Variants in THBS3 observed in about 807,000 individuals in gnomAD.
THBS3 encodes the protein thrombospondin 3.
A neutral mutation model predicts 118.3 loss-of-function variants in THBS3; 78 were observed. That is an observed-to-expected ratio of 0.66 (90% confidence interval 0.55 to 0.80). The LOEUF (loss-of-function observed/expected upper bound fraction) is 0.80. Among genes scored for constraint, THBS3 ranks in the 30% least tolerant of loss-of-function variants. The pLI, the probability that THBS3 is intolerant of heterozygous loss-of-function variation, is 0.00. For missense variants in THBS3, 1,057 were observed against 1,247.4 expected (o/e 0.85, Z 2.30); for synonymous variants, 427 against 475.3 (o/e 0.90, Z 1.32).
At chr1:155,203,923 C>T (rs1216731312) in intron 4 of THBS3, among the ~76,000 whole-genome samples, 1 of 151,964 alleles carries the variant, frequency 6.6e-6, no homozygotes, top group East Asian at 1.9e-4. Context: ...CCACAACCTC[C>T]ACCTCCTGGG....
intron 14 of THBS3, 27 bp from the exon 15 acceptor site, chr1:155,200,140 G>T (rs372213580): frequency 1.1e-5 from 17 of 1,510,152 alleles, no homozygotes; most frequent in Non-Finnish European, 1.2e-5. Context: ...GCACAAGGTT[G>T]TTACTAGAAC....
chr1:155,200,655 C>T, intron 13 of THBS3, 45 bp from the exon 14 acceptor site: 1 of 1,604,358 alleles, frequency 6.2e-7, no homozygotes, highest in Non-Finnish European at 8.5e-7. Context: ...TCCCCTAAAT[C>T]ACTTGTCATC....
chr1:155,201,998 T>G lies in THBS3; in HGVS notation c.1135A>C (p.Asn379His), dbSNP rs1177572339. ...ATGGAGTTTGGGTCACAGCCACCAT[T>G]GTTGCCATCGTTGCATTCATCGATG... The part of the protein sequence containing the change: ...NDIDECNDGN[N>H]GGCDPNSICT... Residue 379 changes from asparagine to histidine, a missense_variant, in exon 10 of 23, where the codon AAT (asparagine) becomes CAT (histidine). Around this residue, in one of 3 missense-constraint regions of THBS3, gnomAD observed 544 missense variants for 715.6 expected, o/e 0.76. Coordinates refer to ENST00000368378, the MANE Select transcript of THBS3 (RefSeq NM_007112.5). 4 of 1,614,014 alleles carry G rather than the reference T, an allele frequency of 2.5e-6. No individual in the cohort carries two copies. Among genetic ancestry groups the G allele is most frequent in the Non-Finnish European group, 3.4e-6 (4 of 1,180,030 alleles).
intron 17 of THBS3, 71 bp downstream of exon 17, chr1:155,198,338 C>G: frequency 6.3e-7 from 1 of 1,589,014 alleles, no homozygotes; most frequent in South Asian, 1.2e-5. Context: ...CCTCACTTCC[C>G]AACAGGGCTT....
At position 155,196,476 on chromosome 1, in the gene THBS3, C is replaced by T. The variant is rs540858574; in HGVS notation, c.2673-350G>A. The T allele has an allele frequency of 3.0e-5, 9 of 304,026 alleles. No individual in the cohort carries two copies. In the East Asian group the frequency reaches 6.0e-4, roughly 20 times the overall value. 18.8% of individuals were successfully genotyped at this position (304,026 alleles called of 1,614,324 possible). ...ATCCCCTGTCCTGGCACCCCACAGC[C>T]CCAGGCACCTTAAAGGGGAACCAAC... On this transcript the variant is annotated intron_variant, in intron 21 of 22. Transcript: ENST00000368378.
Position 155,196,053 on chromosome 1 carries a change from G to A in THBS3, c.2746C>T (p.Arg916Cys), listed in dbSNP as rs1181127268. The A allele has an allele frequency of 6.2e-6, 10 of 1,613,992 alleles. No individual in the cohort carries two copies. The highest frequency in any genetic ancestry group is 2.2e-5 in the East Asian group (1 of 44,906). Residue 916 changes from arginine to cysteine, a missense_variant, in exon 22 of 23, where the codon CGT becomes TGT. Transcript: ENST00000368378. ...VIIDTSMRGG[R>C]LGVFCFSQEN... ...TGGGAGAAGCAGAATACACCAAGAC[G>A]CCCCCCTCGCATGGATGTGTCAATG...
upstream of THBS3, chr1:155,207,976 AG>A (rs1225460818): frequency 1.4e-5 from 8 of 565,892 alleles, no homozygotes; most frequent in Admixed American, 3.1e-5. Flanking sequence ...ACAGAATTGG[AG>A]GGGGGGCCAG....
chr1:155,195,725 C>T lies in THBS3; in HGVS notation c.*116G>A. ...TCTGGGACTGAACTCCTTTTGGGAG[C>T]CAGAGAAGGGTCTGTGGTTGGCTGA... On this transcript the variant is annotated 3_prime_UTR_variant, in exon 23 of 23. Transcript: ENST00000368378. 1 of 1,154,310 alleles carries T rather than the reference C, an allele frequency of 8.7e-7. No homozygotes were observed. The highest frequency in any genetic ancestry group is 1.2e-6 in the Non-Finnish European group (1 of 802,820). The allele number at this position is 1,154,310 out of a possible 1,614,324, so 71.5% of individuals were successfully genotyped here. A position where few individuals can be genotyped will look rare whatever the true frequency, so the allele number is the denominator to read the frequency against.
intron 11 of THBS3, 105 bp from the exon 12 acceptor site, chr1:155,201,309 C>T (rs1669680027): frequency 6.3e-7 from 1 of 1,578,892 alleles, no homozygotes; most frequent in Non-Finnish European, 8.6e-7. Context: ...AGTTCCTGGG[C>T]CCAGGCCCAC....
chr1:155,197,158 G>A lies in THBS3; in HGVS notation c.2555C>T (p.Thr852Ile). 9 of 1,614,206 alleles carry A rather than the reference G, an allele frequency of 5.6e-6. No homozygotes were observed. Among genetic ancestry groups the A allele is most frequent in the Non-Finnish European group, 7.6e-6 (9 of 1,180,028 alleles). Residue 852 changes from threonine (T) to isoleucine (I), a missense_variant, in exon 21 of 23, where the codon ACT (threonine) becomes ATT (isoleucine). By Grantham distance (89) the Thr-to-Ile change is moderately conservative (BLOSUM62 -1). Transcript: ENST00000368378. The surrounding 1 kb of genome is among the most constrained non-coding windows in gnomAD (Gnocchi z 5.0). Reference protein sequence around the residue: ...GEHLRNALWHTGHTPDQVRLL... With the variant: ...GEHLRNALWHIGHTPDQVRLL... ...TCGTACCTGATCAGGGGTGTGGCCA[G>A]TATGCCACAGGGCATTTCGGAGGTG...
chr1:155,205,399 C>T (rs1359829521), intron 2 of THBS3, 83 bp from the exon 3 acceptor site: 4 of 1,546,418 alleles, frequency 2.6e-6, no homozygotes, highest in African/African-American at 1.4e-5. Flanking sequence ...CTGCTAGATA[C>T]CACATCTCTA....
rs1668796137 is a variant in THBS3 at position 155,197,057 on chromosome 1, G to A, written c.2656C>T (p.Gln886Ter). 2 of 1,613,752 alleles carry A rather than the reference G, an allele frequency of 1.2e-6. No individual in the cohort carries two copies. The highest frequency in any genetic ancestry group is 2.7e-5 in the African/African-American group (2 of 74,938). ...SYRWQLLHRP[Q>*]VGYIRVKLYE... ...TCTCCTTACCGAATGTAGCCAACTT[G>A]AGGCCGGTGCAGAAGCTGCCAGCGA... Residue 886 changes from glutamine (Q) to a stop codon, truncating the protein, a stop_gained, in exon 21 of 23, where the codon CAA (glutamine) becomes TAA (stop). Coordinates refer to ENST00000368378, the MANE Select transcript of THBS3 (RefSeq NM_007112.5). LOFTEE classifies it high-confidence loss of function. The surrounding 1 kb of genome is among the most constrained non-coding windows in gnomAD (Gnocchi z 5.0).
At chr1:155,208,723 G>C, upstream of THBS3, 71 of 465,836 alleles carry the variant, frequency 1.5e-4, no homozygotes, top group Middle Eastern at 7.6e-4. Flanking sequence ...CCTCCGCTCC[G>C]GCCGCCGCCA....
chr1:155,199,865 G>A lies in THBS3; in HGVS notation c.1828-9C>T. 1 of 1,614,188 alleles carries A rather than the reference G, an allele frequency of 6.2e-7. No individual in the cohort carries two copies. Among genetic ancestry groups the A allele is most frequent in the South Asian group, 1.1e-5 (1 of 91,082 alleles). On this transcript the variant is annotated splice_polypyrimidine_tract_variant and intron_variant, in intron 15 of 22. Coordinates refer to ENST00000368378, the MANE Select transcript of THBS3 (RefSeq NM_007112.5). Reference sequence around the variant, plus strand: ...TCGCTGTCTGCATCTGTCTGAGAGAGAGGGACCTGTTCTCACCATCTCCTC... The same window carrying A: ...TCGCTGTCTGCATCTGTCTGAGAGAAAGGGACCTGTTCTCACCATCTCCTC...
Position 155,203,310 on chromosome 1 carries a change from C to G in THBS3, c.674-5G>C, listed in dbSNP as rs199773604. On this transcript the variant is annotated splice_region_variant and splice_polypyrimidine_tract_variant and intron_variant, in intron 5 of 22. Transcript: ENST00000368378. Reference sequence around the variant, plus strand: ...CCAGCGCCTTGGTCTGCTCCCCTGTCGGGACCCAGGGTGTGAGGGGTTCAG... The same window carrying G: ...CCAGCGCCTTGGTCTGCTCCCCTGTGGGGACCCAGGGTGTGAGGGGTTCAG... 1.9e-5 allele frequency: 31 copies of G among 1,613,816 alleles called. No homozygotes were observed. The highest frequency in any genetic ancestry group is 1.7e-4 in the Middle Eastern group (1 of 6,060).
At chr1:155,201,807 G>A in intron 10 of THBS3, 150 bp downstream of exon 10, 1 of 1,216,142 alleles carries the variant, frequency 8.2e-7, no homozygotes, top group South Asian at 1.4e-5. Flanking sequence ...AGGCAAACCA[G>A]TATTCCAAAC....
intron 10 of THBS3, 76 bp from the exon 11 acceptor site, chr1:155,201,645 C>T (rs535469730): frequency 1.1e-5 from 16 of 1,505,802 alleles, no homozygotes; most frequent in East Asian, 2.4e-5. Context: ...GCTCCACCTG[C>T]GGAGTGTGGG....
chr1:155,201,818 C>A, intron 10 of THBS3, 139 bp downstream of exon 10: 2 of 1,315,960 alleles, frequency 1.5e-6, no homozygotes, highest in Admixed American at 1.9e-5. Context: ...TATTCCAAAC[C>A]AAGTCCATGT....
upstream of THBS3, chr1:155,207,901 T>TGGCA: frequency 2.5e-6 from 4 of 1,605,008 alleles, no homozygotes; most frequent in South Asian, 1.1e-5. Flanking sequence ...TCACTACCCC[T>TGGCA]GGCAGGCAGG....
Sources: allele counts gnomAD v4.1 joint callset (sites outside exome capture counted in the v4.1 genomes callset), GRCh38; gene constraint gnomAD v4.1.1; regional missense constraint gnomAD v4.1.1; non-coding constraint Gnocchi (gnomAD v3.1); transcripts MANE v1.5; gene names NCBI Gene and HGNC (gene_info 2026-07-23, HGNC 2026-07-21).